Variants in SHISAL2B observed in about 807,000 individuals in gnomAD.
SHISAL2B encodes shisa like 2B.
SHISAL2B carries 12 observed loss-of-function variants against 16.5 expected under a neutral mutation model. That is an observed-to-expected ratio of 0.73 (90% confidence interval 0.47 to 1.18). SHISAL2B has a LOEUF of 1.18. SHISAL2B is among the 50% of genes most tolerant of loss of function. The pLI, the probability that SHISAL2B is intolerant of heterozygous loss-of-function variation, is 0.00. For synonymous variants in SHISAL2B, 72 were observed against 75.0 expected, an observed-to-expected ratio of 0.96 and a Z score of 0.21; for missense variants, 183 against 193.6, an observed-to-expected ratio of 0.95 and a Z score of 0.33.
At chr5:64,703,917 C>T (rs1012630774) in intron 2 of SHISAL2B, among the ~76,000 whole-genome samples, 4 of 152,180 alleles carry the variant, frequency 2.6e-5, no homozygotes, top group Non-Finnish European at 4.4e-5. Flanking sequence ...CTCACTTCAC[C>T]GTTTAGCTCA....
intron 1 of SHISAL2B, among the ~76,000 whole-genome samples, chr5:64,694,982 C>T (rs1312692886): frequency 2.0e-5 from 3 of 151,872 alleles, no homozygotes; most frequent in South Asian, 4.2e-4. Flanking sequence ...ACGTACAGGC[C>T]GGCCGGGAGC....
chr5:64,702,206 A>ATT (rs397974368), intron 2 of SHISAL2B, among the ~76,000 whole-genome samples: 152 of 149,008 alleles, frequency 1.0e-3, no homozygotes, highest in African/African-American at 3.6e-3. Context: ...AATATAGTTA[A>ATT]TTTTTTTTTT....
At chr5:64,702,420 G>A (rs762129637) in intron 2 of SHISAL2B, among the ~76,000 whole-genome samples, 17 of 152,040 alleles carry the variant, frequency 1.1e-4, no homozygotes, top group Non-Finnish European at 2.1e-4. Context: ...GGCTGGTCTC[G>A]AACTCCTGAA....
At chr5:64,694,185 A>G in intron 1 of SHISAL2B, 1 of 439,882 alleles carries the variant, frequency 2.3e-6, no homozygotes, top group Non-Finnish European at 4.5e-6. Context: ...TCAATGACGT[A>G]TGTTCCAAAT....
chr5:64,699,533 G>A (rs1741780719), intron 2 of SHISAL2B, among the ~76,000 whole-genome samples: 1 of 152,178 alleles, frequency 6.6e-6, no homozygotes, highest in Admixed American at 6.5e-5. Context: ...TGTCTTGAAG[G>A]TTAGGAATAT....
chr5:64,713,744 T>C (rs1741992895), intron 2 of SHISAL2B, among the ~76,000 whole-genome samples: 2 of 127,072 alleles, frequency 1.6e-5, no homozygotes, highest in South Asian at 2.6e-4. Flanking sequence ...CATTTCTTTT[T>C]ATTCTTTTTT....
At chr5:64,698,619 C>T (rs1232528165) in intron 2 of SHISAL2B, among the ~76,000 whole-genome samples, 2 of 152,146 alleles carry the variant, frequency 1.3e-5, no homozygotes, top group African/African-American at 4.8e-5. Context: ...TTTTTAACTC[C>T]CTTTCAACAT....
chr5:64,711,455 G>A (rs275813), intron 2 of SHISAL2B, among the ~76,000 whole-genome samples: 1 of 142,156 alleles, frequency 7.0e-6, no homozygotes, highest in African/African-American at 2.8e-5. Context: ...TTTTATTGAG[G>A]ATTTTTGCAT....
chr5:64,693,209 A>G (rs59167602), intron 1 of SHISAL2B, among the ~76,000 whole-genome samples: 2,408 of 151,850 alleles, frequency 0.016, 55 homozygotes, highest in African/African-American at 0.053. Context: ...GGGTTTCACC[A>G]TGTTAGCCAG....
intron 2 of SHISAL2B, among the ~76,000 whole-genome samples, chr5:64,712,756 G>T (rs1263771790): frequency 6.6e-6 from 1 of 152,144 alleles, no homozygotes; most frequent in Non-Finnish European, 1.5e-5. Flanking sequence ...AGGATAATTA[G>T]CTCCTCTTGT....
At chr5:64,704,918 A>G (rs1561375990) in intron 2 of SHISAL2B, among the ~76,000 whole-genome samples, 1 of 152,198 alleles carries the variant, frequency 6.6e-6, no homozygotes, top group East Asian at 1.9e-4. Flanking sequence ...AAGTTACCAG[A>G]GGGATATACC....
intron 2 of SHISAL2B, among the ~76,000 whole-genome samples, chr5:64,697,415 A>G (rs922668029): frequency 6.6e-6 from 1 of 152,266 alleles, no homozygotes; most frequent in African/African-American, 2.4e-5. Context: ...GTGTGACTAT[A>G]AAGTAGAAAT....
At chr5:64,697,418 G>A (rs1445334271) in intron 2 of SHISAL2B, among the ~76,000 whole-genome samples, 1 of 152,208 alleles carries the variant, frequency 6.6e-6, no homozygotes, top group Non-Finnish European at 1.5e-5. Context: ...TGACTATAAA[G>A]TAGAAATAAA....
Position 64,690,832 on chromosome 5 carries a change from G to A in SHISAL2B, c.191+18G>A. ...AGCCTCAGGTGGGCTGAGAGCCCGCGCGTGCGGCGGCTGGCCGAGCCCGGG... is the reference window on the plus strand; with the variant it reads ...AGCCTCAGGTGGGCTGAGAGCCCGCACGTGCGGCGGCTGGCCGAGCCCGGG... On this transcript the variant is annotated intron_variant, in intron 1 of 2. Coordinates refer to ENST00000389074, the MANE Select transcript of SHISAL2B (RefSeq NM_001164442.2). 1 of 1,484,912 alleles carries A rather than the reference G, an allele frequency of 6.7e-7. No homozygotes were observed. Among genetic ancestry groups the A allele is most frequent in the Non-Finnish European group, 8.9e-7 (1 of 1,118,902 alleles). The allele number at this position is 1,484,912 out of a possible 1,614,324, so 92.0% of individuals were successfully genotyped here. A position where few individuals can be genotyped will look rare whatever the true frequency, so the allele number is the denominator to read the frequency against.
chr5:64,709,122 G>T (rs1741914961), intron 2 of SHISAL2B, among the ~76,000 whole-genome samples: 2 of 147,132 alleles, frequency 1.4e-5, no homozygotes, highest in South Asian at 4.4e-4. Context: ...GTGCCATGCT[G>T]GTGCACTGCA....
chr5:64,716,196 A>C (rs1349225814), intron 2 of SHISAL2B, among the ~76,000 whole-genome samples: 1 of 152,166 alleles, frequency 6.6e-6, no homozygotes, highest in Non-Finnish European at 1.5e-5. Flanking sequence ...TCACTCACTA[A>C]AAGGTGTTAA....
chr5:64,714,054 T>C (rs1332467164), intron 2 of SHISAL2B, among the ~76,000 whole-genome samples: 6 of 148,598 alleles, frequency 4.0e-5, no homozygotes, highest in African/African-American at 1.5e-4. Flanking sequence ...AAAATCATTC[T>C]CCATCCAGCT....
rs1580518501 is a variant in SHISAL2B, at chr5:64,695,400, T to C, written c.192-107T>C. 3 of 694,584 alleles carry C rather than the reference T, an allele frequency of 4.3e-6. No homozygotes were observed. In the East Asian group the frequency reaches 9.1e-5, roughly 21 times the overall value. 43.0% of individuals were successfully genotyped at this position (694,584 alleles called of 1,614,324 possible). ...CTTTTTATGCTAAAATACAATTTGG[T>C]TATGAATAACTGAAAACAAGAATTA... is the stretch of plus-strand genomic sequence containing the variant. On this transcript the variant is annotated intron_variant, in intron 1 of 2. Transcript: ENST00000389074.
chr5:64,714,929 C>G (rs1046179318), intron 2 of SHISAL2B, among the ~76,000 whole-genome samples: 2 of 152,128 alleles, frequency 1.3e-5, no homozygotes, highest in Admixed American at 6.5e-5. Context: ...CACTGGCCTG[C>G]GCCCACTGTC....
Sources: allele counts gnomAD v4.1 joint callset (sites outside exome capture counted in the v4.1 genomes callset), GRCh38; gene constraint gnomAD v4.1.1; transcripts MANE v1.5; gene names NCBI Gene and HGNC (gene_info 2026-07-23, HGNC 2026-07-21).